Variants in TMPRSS15 observed in about 807,000 individuals in gnomAD.
TMPRSS15 encodes transmembrane serine protease 15.
Under a neutral mutation model 125.3 loss-of-function variants are expected in TMPRSS15, and 128 were observed. The ratio of observed to expected loss-of-function variants is 1.02; its 90% CI spans 0.89 to 1.18. The LOEUF (loss-of-function observed/expected upper bound fraction) is 1.18, where lower values mean the gene tolerates loss of function less well. TMPRSS15 is among the 50% of genes most tolerant of loss of function. The pLI, the probability that TMPRSS15 is intolerant of heterozygous loss-of-function variation, is 0.00. For missense variants in TMPRSS15, 1,283 were observed against 1,212.7 expected (o/e 1.06, Z -0.86); for synonymous variants, 446 against 423.2 (o/e 1.05, Z -0.66).
intron 16 of TMPRSS15, among the ~76,000 whole-genome samples, chr21:18,322,995 C>T (rs2075254441): frequency 6.6e-6 from 1 of 152,134 alleles, no homozygotes; most frequent in Non-Finnish European, 1.5e-5. Context: ...ACTCCATAAA[C>T]ATGTGTAATT....
chr21:18,437,030 C>G (rs890147575), intron 1 of TMPRSS15, among the ~76,000 whole-genome samples: 16 of 146,710 alleles, frequency 1.1e-4, no homozygotes, highest in African/African-American at 3.8e-4. Flanking sequence ...AATCCTAAGC[C>G]AAAAGAACAA....
chr21:18,426,205 C>T (rs182889060), intron 1 of TMPRSS15, among the ~76,000 whole-genome samples: 21 of 152,184 alleles, frequency 1.4e-4, no homozygotes, highest in African/African-American at 4.8e-4. Flanking sequence ...CAGATAATAA[C>T]TCACTTAATC....
chr21:18,317,042 A>G (rs1255338564), intron 16 of TMPRSS15, among the ~76,000 whole-genome samples: 1 of 152,194 alleles, frequency 6.6e-6, no homozygotes, highest in Admixed American at 6.5e-5. Flanking sequence ...GGAAGCTTCT[A>G]TTTTGAAAAC....
At chr21:18,323,487 C>CA (rs1180059563) in intron 16 of TMPRSS15, among the ~76,000 whole-genome samples, 5 of 152,122 alleles carry the variant, frequency 3.3e-5, no homozygotes, top group African/African-American at 4.8e-5. Context: ...CCCCATTACT[C>CA]AATTACCTCC....
upstream of TMPRSS15, among the ~76,000 whole-genome samples, chr21:18,405,628 G>C (rs534826278): frequency 2.0e-5 from 3 of 152,096 alleles, no homozygotes; most frequent in African/African-American, 7.2e-5. Context: ...AAAACGTAGG[G>C]CATTAATAAT....
intron 1 of TMPRSS15, among the ~76,000 whole-genome samples, chr21:18,415,645 CT>C (rs1240600777): frequency 6.6e-6 from 1 of 152,026 alleles, no homozygotes; most frequent in African/African-American, 2.4e-5. Context: ...AGCACTGTTG[CT>C]AAAGATGGGT....
At chr21:18,342,773 T>G (rs1457474246) in intron 12 of TMPRSS15, among the ~76,000 whole-genome samples, 1 of 152,192 alleles carries the variant, frequency 6.6e-6, no homozygotes, top group Non-Finnish European at 1.5e-5. Context: ...TTGAGAGTCA[T>G]TAATTATTGC....
chr21:18,390,691 G>A (rs926153248), intron 3 of TMPRSS15, among the ~76,000 whole-genome samples: 10 of 152,124 alleles, frequency 6.6e-5, no homozygotes, highest in Admixed American at 1.3e-4. Flanking sequence ...AGTGTCCCAG[G>A]GAAGGCGACA....
chr21:18,321,734 T>C (rs111720693), intron 16 of TMPRSS15, among the ~76,000 whole-genome samples: 11 of 152,342 alleles, frequency 7.2e-5, no homozygotes, highest in African/African-American at 2.6e-4. Context: ...CCAATCTCGC[T>C]TTCCCTTACC....
chr21:18,458,644 A>G (rs565014217), intron 1 of TMPRSS15, among the ~76,000 whole-genome samples: 9 of 152,256 alleles, frequency 5.9e-5, no homozygotes, highest in African/African-American at 2.2e-4. Flanking sequence ...AAATATTAGA[A>G]TTAACATTTT....
At chr21:18,314,379 A>G (rs143465601) in intron 17 of TMPRSS15, among the ~76,000 whole-genome samples, 2,216 of 152,216 alleles carry the variant, frequency 0.015, 51 homozygotes, top group African/African-American at 0.05. Context: ...CCCAGGTTCA[A>G]GCGATTCTCC....
upstream of TMPRSS15, among the ~76,000 whole-genome samples, chr21:18,408,378 C>T (rs1366347776): frequency 1.3e-5 from 2 of 152,066 alleles, no homozygotes; most frequent in South Asian, 4.2e-4. Context: ...AGATAAATAT[C>T]TCTAATACAG....
At chr21:18,464,876 T>C (rs1316972428) in intron 1 of TMPRSS15, among the ~76,000 whole-genome samples, 3 of 151,926 alleles carry the variant, frequency 2.0e-5, no homozygotes, top group African/African-American at 7.3e-5. Context: ...TTACAAACAA[T>C]AGAAAAAGAG....
chr21:18,428,773 G>A lies in TMPRSS15; in HGVS notation c.11-30444C>T, dbSNP rs138419946. On this transcript the variant is annotated intron_variant, in intron 1 of 7. Transcript: ENST00000422787. ...GCAGAAGTTTGCTGCAGGGTGGGGC[G>A]CTCATGGAGAACCTCTGCTAGGGCA... Among the ~76,000 whole-genome samples, 254 of 152,314 alleles carry A rather than the reference G, an allele frequency of 1.7e-3. 2 individuals carry two copies. The highest frequency in any genetic ancestry group is 5.5e-3 in the African/African-American group (227 of 41,570).
At chr21:18,280,423 GA>G (rs891934839) in intron 22 of TMPRSS15, among the ~76,000 whole-genome samples, 10 of 151,196 alleles carry the variant, frequency 6.6e-5, no homozygotes, top group African/African-American at 2.4e-4. Flanking sequence ...AAAAATACAA[GA>G]AAAAAAATTA....
chr21:18,463,844 T>TAAATAAC, intron 1 of TMPRSS15, among the ~76,000 whole-genome samples: 1 of 152,182 alleles, frequency 6.6e-6, no homozygotes, highest in East Asian at 1.9e-4. Flanking sequence ...TGCTCCTGAA[T>TAAATAAC]GACTACTGCA....
intron 8 of TMPRSS15, among the ~76,000 whole-genome samples, chr21:18,354,220 C>T (rs2075602037): frequency 6.6e-6 from 1 of 151,770 alleles, no homozygotes. Flanking sequence ...TTAAAGTCAA[C>T]TTAGCTTTAT....
chr21:18,376,703 C>A (rs1021541185), intron 5 of TMPRSS15, among the ~76,000 whole-genome samples: 2 of 152,112 alleles, frequency 1.3e-5, no homozygotes, highest in East Asian at 3.9e-4. Context: ...CAAAACACCC[C>A]CTCTAGGCAC....
At chr21:18,410,585 T>C (rs1239731703) in intron 1 of TMPRSS15, among the ~76,000 whole-genome samples, 1 of 143,030 alleles carries the variant, frequency 7.0e-6, no homozygotes, top group Non-Finnish European at 1.6e-5. Context: ...GGAGAGTTTG[T>C]AGATGAATAA....
Sources: gnomAD v4.1 joint callset for allele counts (sites outside exome capture counted in the v4.1 genomes callset) on GRCh38, gnomAD v4.1.1 for gene constraint, MANE v1.5 for transcripts, NCBI Gene and HGNC (gene_info 2026-07-23, HGNC 2026-07-21) for gene names.